The following PAPSS2 variants were observed in gnomAD, a reference collection of about 807,000 sequenced individuals.
PAPSS2 encodes bifunctional 3'-phosphoadenosine 5'-phosphosulfate synthase 2.
PAPSS2 carries 61 observed loss-of-function variants against 66.5 expected under a neutral mutation model. The observed-to-expected ratio is 0.92, with a 90% CI of 0.75 to 1.14. The LOEUF is 1.14. PAPSS2 is among the 50% of genes most tolerant of loss of function. The probability of loss-of-function intolerance (pLI) is 0.00; values close to 1 mark genes in which losing one functional copy is unlikely to be tolerated. For synonymous variants in PAPSS2, 289 were observed against 287.5 expected, an observed-to-expected ratio of 1.01 and a Z score of -0.05; for missense variants, 708 against 789.6, an observed-to-expected ratio of 0.90 and a Z score of 1.24.
intron 9 of PAPSS2, among the ~76,000 whole-genome samples, chr10:87,734,677 A>ATATATATATATATATATATATATG (rs1853773627): frequency 8.7e-6 from 1 of 115,214 alleles, no homozygotes; most frequent in South Asian, 2.8e-4. Context: ...ATATATATAT[A>ATATATATATATATATATATATATG]TATATATATA....
chr10:87,709,361 C>T, intron 2 of PAPSS2, 48 bp downstream of exon 2: 1 of 1,112,776 alleles, frequency 9.0e-7, no homozygotes, highest in Non-Finnish European at 1.4e-6. Context: ...TGCAAACTGA[C>T]ATGTGACACA....
intron 1 of PAPSS2, among the ~76,000 whole-genome samples, chr10:87,675,387 G>A (rs778082809): frequency 3.9e-5 from 6 of 152,198 alleles, no homozygotes; most frequent in Non-Finnish European, 7.3e-5. Flanking sequence ...CTTGGTATGT[G>A]TGTATTTTGT....
chr10:87,668,911 C>G (rs1852844422), intron 1 of PAPSS2, among the ~76,000 whole-genome samples: 1 of 152,114 alleles, frequency 6.6e-6, no homozygotes, highest in Admixed American at 6.5e-5. Flanking sequence ...GAAAGTGACC[C>G]TGCCTATTTT....
intron 1 of PAPSS2, among the ~76,000 whole-genome samples, chr10:87,678,925 G>A (rs536820373): frequency 8.5e-5 from 13 of 152,222 alleles, no homozygotes; most frequent in East Asian, 7.7e-4. Context: ...GTTCCACTAC[G>A]GGTATCTATT....
intron 1 of PAPSS2, among the ~76,000 whole-genome samples, chr10:87,696,090 A>G (rs976845903): frequency 1.2e-4 from 18 of 152,160 alleles, no homozygotes; most frequent in Non-Finnish European, 2.9e-5. Flanking sequence ...GTCCTGGGGA[A>G]TAGCTCCACA....
intron 11 of PAPSS2, 45 bp downstream of exon 11, chr10:87,743,686 C>T: frequency 1.2e-6 from 2 of 1,609,110 alleles, no homozygotes; most frequent in South Asian, 1.1e-5. Flanking sequence ...GGAATTCAGA[C>T]TCAGACTTTA....
intron 1 of PAPSS2, among the ~76,000 whole-genome samples, chr10:87,700,148 A>T (rs1203103620): frequency 6.6e-6 from 1 of 152,104 alleles, no homozygotes; most frequent in Non-Finnish European, 1.5e-5. Context: ...GGACATTTTT[A>T]TTGTTTCTGA....
Position 87,665,446 on chromosome 10 carries a change from C to T in PAPSS2, c.27+5438C>T, listed in dbSNP as rs533778658. Reference sequence around the variant, plus strand: ...CAGGATGGTTTTGATCTCCTGACCTCGTGATCTGCCCGCCTCGGCCTCCCA... The same window carrying T: ...CAGGATGGTTTTGATCTCCTGACCTTGTGATCTGCCCGCCTCGGCCTCCCA... On this transcript the variant is annotated intron_variant, in intron 1 of 12. Coordinates refer to ENST00000456849, the MANE Select transcript of PAPSS2 (RefSeq NM_001015880.2). Among the ~76,000 whole-genome samples the T allele has an allele frequency of 1.1e-3, 167 of 152,276 alleles. 2 individuals carry two copies. The South Asian group carries it at 0.033, about 30-fold the overall frequency.
chr10:87,663,976 G>T (rs1404749007), intron 1 of PAPSS2, among the ~76,000 whole-genome samples: 1 of 152,094 alleles, frequency 6.6e-6, no homozygotes, highest in Non-Finnish European at 1.5e-5. Flanking sequence ...CTGCTATAAT[G>T]GGTCACTGCA....
chr10:87,687,830 A>T (rs1010075050), intron 1 of PAPSS2, among the ~76,000 whole-genome samples: 5 of 116,978 alleles, frequency 4.3e-5, no homozygotes, highest in African/African-American at 1.3e-4. Context: ...AAAAACTCTT[A>T]AAAAGAAAAA....
chr10:87,713,967 C>A, intron 3 of PAPSS2, 77 bp from the exon 4 acceptor site: 1 of 1,527,686 alleles, frequency 6.5e-7, no homozygotes, highest in South Asian at 1.1e-5. Flanking sequence ...TATTGAAAAC[C>A]AAAGTACACA....
chr10:87,745,062 G>T lies in PAPSS2; in HGVS notation c.1552G>T (p.Asp518Tyr). The T allele has an allele frequency of 6.2e-7, 1 of 1,614,042 alleles. No individual in the cohort carries two copies. Among genetic ancestry groups the T allele is most frequent in the South Asian group, 1.1e-5 (1 of 91,066 alleles). The part of the protein sequence containing the change: ...AGANFYIVGR[D>Y]PAGMPHPETK... ...TGCCAATTTCTACATTGTGGGGAGG[G>T]ACCCTGCAGGAATGCCCCATCCTGA... is the stretch of plus-strand genomic sequence containing the variant. Residue 518 changes from aspartate to tyrosine, a missense_variant, in exon 12 of 13, where the codon GAC (aspartate) becomes TAC (tyrosine). By Grantham distance (160) the Asp-to-Tyr change is radical. Transcript: ENST00000456849.
At chr10:87,676,999 A>G (rs1852958077) in intron 1 of PAPSS2, among the ~76,000 whole-genome samples, 1 of 151,486 alleles carries the variant, frequency 6.6e-6, no homozygotes, top group African/African-American at 2.4e-5. Flanking sequence ...TTCGAGACCA[A>G]CTTGGACAAC....
chr10:87,701,864 C>T lies in PAPSS2; in HGVS notation c.28-7332C>T, dbSNP rs77441477. On this transcript the variant is annotated intron_variant, in intron 1 of 12. Coordinates refer to ENST00000456849, the MANE Select transcript of PAPSS2 (RefSeq NM_001015880.2). ...TCTTACCAAAATAAGTACAAATCAA[C>T]CTGGGGGAAAAAACAGTAAAAATAC... 4.7e-3 allele frequency among the ~76,000 whole-genome samples: 709 copies of T among 152,134 alleles called. 6 individuals are homozygous for T. The highest frequency in any genetic ancestry group is 0.016 in the African/African-American group (673 of 41,510).
chr10:87,710,686 G>A (rs1853452620), intron 2 of PAPSS2, among the ~76,000 whole-genome samples: 3 of 152,154 alleles, frequency 2.0e-5, no homozygotes, highest in African/African-American at 4.8e-5. Flanking sequence ...ATTAGAGGAA[G>A]AAAAGAATAT....
chr10:87,660,994 T>C (rs906723014), intron 1 of PAPSS2: 6 of 455,872 alleles, frequency 1.3e-5, no homozygotes, highest in African/African-American at 8.0e-5. Context: ...CTCAGATGAT[T>C]GTACTGGTTA....
At chr10:87,683,586 G>A (rs2131906557) in intron 1 of PAPSS2, among the ~76,000 whole-genome samples, 1 of 152,256 alleles carries the variant, frequency 6.6e-6, no homozygotes, top group Non-Finnish European at 1.5e-5. Context: ...TAATTGTTGT[G>A]GAAATCATTT....
intron 1 of PAPSS2, among the ~76,000 whole-genome samples, chr10:87,679,210 A>T (rs796073178): frequency 3.9e-5 from 6 of 152,370 alleles, no homozygotes; most frequent in African/African-American, 1.4e-4. Flanking sequence ...TTTCACTCAT[A>T]TGCAGAAGCT....
At chr10:87,692,656 T>C (rs1297240578) in intron 1 of PAPSS2, among the ~76,000 whole-genome samples, 1 of 152,214 alleles carries the variant, frequency 6.6e-6, no homozygotes, top group Non-Finnish European at 1.5e-5. Flanking sequence ...CCAAATCCAG[T>C]CCAGATTCTA....
Sources: allele counts gnomAD v4.1 joint callset (sites outside exome capture counted in the v4.1 genomes callset), GRCh38; gene constraint gnomAD v4.1.1; transcripts MANE v1.5; gene names NCBI Gene and HGNC (gene_info 2026-07-23, HGNC 2026-07-21).